PLCH1: variants seen among roughly 807,000 people sequenced by gnomAD.
PLCH1 encodes phospholipase C eta 1.
PLCH1 carries 60 observed loss-of-function variants against 126.7 expected under a neutral mutation model. The ratio of observed to expected loss-of-function variants is 0.47; its 90% confidence interval spans 0.38 to 0.59. PLCH1 has a LOEUF of 0.59. Ranked by LOEUF, PLCH1 falls within the 20% of genes least tolerant of loss-of-function variation. PLCH1 has a pLI of 0.00. For synonymous variants in PLCH1, 719 were observed against 734.9 expected, an observed-to-expected ratio of 0.98 and a Z score of 0.35; for missense variants, 1,723 against 2,040.0, an observed-to-expected ratio of 0.84 and a Z score of 2.99.
intron 2 of PLCH1, among the ~76,000 whole-genome samples, chr3:155,603,919 G>A (rs374257429): frequency 6.6e-5 from 10 of 151,978 alleles, no homozygotes; most frequent in African/African-American, 2.4e-4. Context: ...ACCACATAGG[G>A]AGACCTGGTC....
At position 155,568,294 on chromosome 3, in the gene PLCH1, C is replaced by T. The variant is rs749440092; in HGVS notation, c.802G>A (p.Asp268Asn). Residue 268 changes from aspartate (D) to asparagine (N), a missense_variant, in exon 7 of 23, where the codon GAC becomes AAC. Asp to Asn is a conservative substitution (Grantham distance 23, BLOSUM62 1). Around this residue, in one of 2 missense-constraint regions of PLCH1, gnomAD observed 776 missense variants for 1,062.9 expected, o/e 0.73. Coordinates refer to ENST00000460012, the MANE Select transcript of PLCH1 (RefSeq NM_014996.4). ...GAAACTTCAAACTTCTTTATGATGTCAAGACAATAGTCCGTTGTCACATTA... is the reference window on the plus strand; with the variant it reads ...GAAACTTCAAACTTCTTTATGATGTTAAGACAATAGTCCGTTGTCACATTA... ...MNNVTTDYCL[D>N]IIKKFEVSEE... 6.5e-7 allele frequency: 1 copy of T among 1,544,918 alleles called. No individual in the cohort carries two copies. Among genetic ancestry groups the T allele is most frequent in the South Asian group, 1.1e-5 (1 of 88,614 alleles).
At chr3:155,641,644 AG>A (rs1384090261) in intron 2 of PLCH1, among the ~76,000 whole-genome samples, 1 of 152,210 alleles carries the variant, frequency 6.6e-6, no homozygotes, top group Non-Finnish European at 1.5e-5. Flanking sequence ...CAAATATCCA[AG>A]TACCCTGATT....
At chr3:155,574,976 CA>C (rs1440793836) in intron 6 of PLCH1, among the ~76,000 whole-genome samples, 1 of 151,642 alleles carries the variant, frequency 6.6e-6, no homozygotes, top group Non-Finnish European at 1.5e-5. Context: ...ACTAAAAACA[CA>C]AAAATCAGCC....
At position 155,585,988 on chromosome 3, in the gene PLCH1, T is replaced by C. The variant is rs1488475150; in HGVS notation, c.600+77A>G. The C allele has an allele frequency of 3.9e-6, 5 of 1,293,554 alleles. No individual in the cohort carries two copies. The African/African-American group carries it at 4.4e-5, about 11-fold the overall frequency. 80.1% of individuals were successfully genotyped at this position (1,293,554 alleles called of 1,614,324 possible). ...TATATTAGCTTCCAACAAAACAAAA[T>C]AGCTTTTTAATATACCTAAGTATGT... is the stretch of plus-strand genomic sequence containing the variant. On this transcript the variant is annotated intron_variant, in intron 5 of 22. Coordinates refer to ENST00000460012, the MANE Select transcript of PLCH1 (RefSeq NM_014996.4).
intron 21 of PLCH1, among the ~76,000 whole-genome samples, chr3:155,452,879 T>C (rs952508500): frequency 1.2e-4 from 18 of 152,166 alleles, no homozygotes; most frequent in African/African-American, 3.4e-4. Context: ...GAAAATTAAA[T>C]GCAGAGTATC....
At chr3:155,490,910 C>A (rs745368056) in intron 18 of PLCH1, 42 bp from the exon 19 acceptor site, 4 of 1,050,698 alleles carry the variant, frequency 3.8e-6, no homozygotes, top group South Asian at 1.3e-5. Flanking sequence ...TAACATATTT[C>A]TATACATATG....
intron 21 of PLCH1, among the ~76,000 whole-genome samples, chr3:155,455,242 C>T (rs1712411813): frequency 6.6e-6 from 1 of 152,148 alleles, no homozygotes; most frequent in Non-Finnish European, 1.5e-5. Context: ...AGCCACAACC[C>T]TCACCCTGCC....
At chr3:155,475,274 G>C (rs951168843), downstream of PLCH1, among the ~76,000 whole-genome samples, 2 of 151,740 alleles carry the variant, frequency 1.3e-5, no homozygotes, top group African/African-American at 4.8e-5. Flanking sequence ...TCTAGAAAAC[G>C]ATAATGGAAA....
rs147962468 is a variant in PLCH1 at position 155,713,977 on chromosome 3, A to C, written c.-40-9713T>G. ...TGTGTAGCATTTAACTTACATGGAG[A>C]AGTGCTCATTTCCTTCTTCTTAAGC... is the stretch of plus-strand genomic sequence containing the variant. On this transcript the variant is annotated intron_variant, in intron 1 of 22. Coordinates refer to ENST00000460012, the MANE Select transcript of PLCH1 (RefSeq NM_014996.4). Among the ~76,000 whole-genome samples the C allele has an allele frequency of 3.9e-5, 6 of 152,306 alleles. No individual in the cohort carries two copies. The East Asian group carries it at 1.2e-3, about 29-fold the overall frequency.
chr3:155,577,217 C>A (rs1239668479), intron 6 of PLCH1, among the ~76,000 whole-genome samples: 1 of 152,014 alleles, frequency 6.6e-6, no homozygotes, highest in Non-Finnish European at 1.5e-5. Context: ...CATGATCGCA[C>A]CCACTGCACT....
At chr3:155,639,900 T>TA in intron 2 of PLCH1, among the ~76,000 whole-genome samples, 1 of 151,928 alleles carries the variant, frequency 6.6e-6, no homozygotes, top group South Asian at 2.1e-4. Context: ...GTTGTTTAAA[T>TA]ATGTGTGGTA....
intron 1 of PLCH1, among the ~76,000 whole-genome samples, chr3:155,733,260 A>G (rs1748903536): frequency 6.6e-6 from 1 of 152,210 alleles, no homozygotes; most frequent in Non-Finnish European, 1.5e-5. Flanking sequence ...GAATAGAGAA[A>G]GCAATCTTGA....
intron 1 of PLCH1, among the ~76,000 whole-genome samples, chr3:155,707,714 G>A (rs1746785905): frequency 6.6e-6 from 1 of 151,336 alleles, no homozygotes. Context: ...TAAGACAAAA[G>A]ATGTGGGGTA....
chr3:155,567,348 G>A (rs781266740), intron 7 of PLCH1, among the ~76,000 whole-genome samples: 18 of 152,118 alleles, frequency 1.2e-4, no homozygotes, highest in Non-Finnish European at 1.9e-4. Flanking sequence ...GCTGATTACA[G>A]GTGTGAGCCA....
At chr3:155,511,537 T>C (rs1299645187) in intron 12 of PLCH1, among the ~76,000 whole-genome samples, 1 of 129,004 alleles carries the variant, frequency 7.8e-6, no homozygotes, top group African/African-American at 3.6e-5. Flanking sequence ...GTTTTCGGTG[T>C]AGATGTCCTT....
intron 9 of PLCH1, among the ~76,000 whole-genome samples, 193 bp downstream of exon 9, chr3:155,553,883 G>T (rs1411293481): frequency 6.6e-6 from 1 of 152,208 alleles, no homozygotes. Context: ...AATAAATGCA[G>T]CATGAGAAAG....
intron 12 of PLCH1, among the ~76,000 whole-genome samples, chr3:155,511,431 C>G (rs1324845958): frequency 3.0e-5 from 3 of 99,188 alleles, no homozygotes; most frequent in Non-Finnish European, 5.3e-5. Flanking sequence ...GAGAGGCGCT[C>G]TGCGTTTTAG....
intron 2 of PLCH1, among the ~76,000 whole-genome samples, chr3:155,660,867 T>C (rs1250578755): frequency 6.6e-6 from 1 of 152,186 alleles, no homozygotes; most frequent in Non-Finnish European, 1.5e-5. Context: ...ACTTCATAGG[T>C]AATTGAATTT....
chr3:155,631,762 C>T (rs1738054543), intron 2 of PLCH1, among the ~76,000 whole-genome samples: 1 of 152,132 alleles, frequency 6.6e-6, no homozygotes, highest in Non-Finnish European at 1.5e-5. Context: ...CTCAAAGAAA[C>T]ATTTGCTCTG....
Sources: gnomAD v4.1 joint callset for allele counts (sites outside exome capture counted in the v4.1 genomes callset) on GRCh38, gnomAD v4.1.1 for gene constraint, gnomAD v4.1.1 regional missense constraint, MANE v1.5 for transcripts, NCBI Gene and HGNC (gene_info 2026-07-23, HGNC 2026-07-21) for gene names.